MAP2K2: variants seen among roughly 807,000 people sequenced by gnomAD.
MAP2K2 encodes the protein dual specificity mitogen-activated protein kinase kinase 2.
In MAP2K2, 24 loss-of-function variants were observed where a neutral mutation model predicts 43.7. The ratio of observed to expected loss-of-function variants is 0.55; its 90% CI spans 0.40 to 0.77. The LOEUF (loss-of-function observed/expected upper bound fraction) is 0.77, where lower values mean the gene tolerates loss of function less well. Ranked by LOEUF, MAP2K2 falls within the 30% of genes least tolerant of loss-of-function variation. The pLI, the probability that MAP2K2 is intolerant of heterozygous loss-of-function variation, is 0.00. For synonymous variants in MAP2K2, 244 were observed against 239.7 expected, an observed-to-expected ratio of 1.02 and a Z score of -0.17; for missense variants, 470 against 566.8, an observed-to-expected ratio of 0.83 and a Z score of 1.73.
chr19:4,098,397 G>T (rs998202694), intron 7 of MAP2K2, among the ~76,000 whole-genome samples: 2 of 152,184 alleles, frequency 1.3e-5, no homozygotes, highest in Non-Finnish European at 2.9e-5. Flanking sequence ...CACCTGAAAT[G>T]AGTTGTGGGG....
At chr19:4,099,055 G>C in intron 7 of MAP2K2, 146 bp downstream of exon 7, 1 of 691,340 alleles carries the variant, frequency 1.4e-6, no homozygotes, top group Non-Finnish European at 2.5e-6. Flanking sequence ...CCAGGACCAT[G>C]GGAGGACTGC....
At chr19:4,104,266 A>G (rs1465036650) in intron 3 of MAP2K2, among the ~76,000 whole-genome samples, 2 of 66,900 alleles carry the variant, frequency 3.0e-5, no homozygotes, top group Non-Finnish European at 5.5e-5. Context: ...CTCCTCAATT[A>G]AAAAAAAAAA....
chr19:4,091,049 G>C (rs1339696685), intron 10 of MAP2K2, among the ~76,000 whole-genome samples: 1 of 152,192 alleles, frequency 6.6e-6, no homozygotes, highest in Non-Finnish European at 1.5e-5. Flanking sequence ...ATCATTCTCT[G>C]GCGTGGGGCC....
At position 4,101,857 on chromosome 19, in the gene MAP2K2, G is replaced by A. The variant is rs765587227; in HGVS notation, c.528+519C>T. On this transcript the variant is annotated intron_variant, in intron 4 of 10. Coordinates refer to ENST00000262948, the MANE Select transcript of MAP2K2 (RefSeq NM_030662.4). This position sits in a 1 kb window ranked among gnomAD's most constrained non-coding sequence, Gnocchi z 6.3. ...ACACTGGTATGGGCAGGCGGGACTC[G>A]GCCCCTGCTATGGACAAGGTGCAAG... 3.3e-5 allele frequency among the ~76,000 whole-genome samples: 5 copies of A among 152,100 alleles called. No homozygotes were observed. Among genetic ancestry groups the A allele is most frequent in the South Asian group, 2.1e-4 (1 of 4,820 alleles).
At chr19:4,104,146 T>C (rs575894296) in intron 3 of MAP2K2, among the ~76,000 whole-genome samples, 1 of 151,438 alleles carries the variant, frequency 6.6e-6, no homozygotes, top group Non-Finnish European at 1.5e-5. Context: ...ATGCCTGTAA[T>C]CTCAGCTACT....
chr19:4,099,300 C>T lies in MAP2K2; in HGVS notation c.820G>A (p.Glu274Lys), dbSNP rs2040966914. The T allele has an allele frequency of 6.2e-7, 1 of 1,607,696 alleles. No individual in the cohort carries two copies. The highest frequency in any genetic ancestry group is 8.5e-7 in the Non-Finnish European group (1 of 1,177,492). Reference sequence around the variant, plus strand: ...GGCCGGCCAAAGATGGCCTCCAGCTCTTTGGCGTCGGGCGGGGGGATGGGG... The same window carrying T: ...GGCCGGCCAAAGATGGCCTCCAGCTTTTTGGCGTCGGGCGGGGGGATGGGG... ...RYPIPPPDAK[E>K]LEAIFGRPVV... Residue 274 changes from glutamate (E) to lysine (K), a missense_variant, in exon 7 of 11, where the codon GAG becomes AAG. By Grantham distance (56) the Glu-to-Lys change is moderately conservative (BLOSUM62 1). This residue lies in a region of MAP2K2 where 212 missense variants were observed against 220.8 expected (regional missense o/e 0.96). Coordinates refer to ENST00000262948, the MANE Select transcript of MAP2K2 (RefSeq NM_030662.4).
At chr19:4,100,890 A>T in intron 6 of MAP2K2, 129 bp downstream of exon 6, 1 of 1,068,810 alleles carries the variant, frequency 9.4e-7, no homozygotes. Flanking sequence ...GAGAACTGGG[A>T]GGGACAGCTG....
chr19:4,095,550 T>C lies in MAP2K2; in HGVS notation c.985-101A>G, dbSNP rs566054093. On this transcript the variant is annotated intron_variant, in intron 8 of 10. Transcript: ENST00000262948. The stretch of plus-strand genomic sequence containing the variant: ...CACTGTCCTGTCCGGTCACCCACCC[T>C]GCAGGCCTGGCCGACACCACATGCC... The C allele has an allele frequency of 4.2e-5, 41 of 986,482 alleles. No individual in the cohort carries two copies. The Admixed American group carries it at 5.9e-4, about 14-fold the overall frequency. 61.1% of individuals were successfully genotyped at this position (986,482 alleles called of 1,614,324 possible). A position where few individuals can be genotyped will look rare whatever the true frequency, so the allele number is the denominator to read the frequency against.
chr19:4,095,344 A>AT, intron 9 of MAP2K2, 44 bp downstream of exon 9: 2 of 1,535,808 alleles, frequency 1.3e-6, no homozygotes, highest in Non-Finnish European at 1.8e-6. Flanking sequence ...GGAGTGGCAC[A>AT]TCTGGGTCCC....
intron 8 of MAP2K2, among the ~76,000 whole-genome samples, 198 bp from the exon 9 acceptor site, chr19:4,095,647 G>A (rs535526935): frequency 2.6e-5 from 4 of 152,330 alleles, no homozygotes; most frequent in South Asian, 4.1e-4. Context: ...CTGCTTAGAG[G>A]GAAAGAGTGG....
In MAP2K2 at chr19:4,095,428, C is replaced by T. The variant is rs1599282416; in HGVS notation, c.1006G>A (p.Gly336Ser). The change falls in exon 9 of 11, where the codon GGT becomes AGT. Residue 336 changes from glycine to serine, a missense_variant. Physicochemically the swap from Gly to Ser is moderately conservative, Grantham distance 56. Around this residue, in one of 3 missense-constraint regions of MAP2K2, gnomAD observed 212 missense variants for 220.8 expected, o/e 0.96. Coordinates refer to ENST00000262948, the MANE Select transcript of MAP2K2 (RefSeq NM_030662.4). ...VNEPPPKLPN[G>S]VFTPDFQEFV... ...TCCTGGAAGTCGGGGGTGAACACAC[C>T]GTTGGGCAGCTTAGGAGGTGGCTGT... 12 of 1,551,170 alleles carry T rather than the reference C, an allele frequency of 7.7e-6. No homozygotes were observed. The highest frequency in any genetic ancestry group is 2.7e-5 in the African/African-American group (2 of 73,028).
At chr19:4,096,865 T>C (rs960593260) in intron 8 of MAP2K2, among the ~76,000 whole-genome samples, 4 of 151,734 alleles carry the variant, frequency 2.6e-5, no homozygotes, top group Non-Finnish European at 4.4e-5. Flanking sequence ...TTCGTCTTCA[T>C]AAAAAAACAA....
intron 7 of MAP2K2, among the ~76,000 whole-genome samples, chr19:4,098,726 CTGTG>C (rs1322809268): frequency 6.6e-6 from 1 of 152,214 alleles, no homozygotes; most frequent in Non-Finnish European, 1.5e-5. Context: ...GTGTCCCCTC[CTGTG>C]TGTGTTGGGG....
Position 4,123,880 on chromosome 19 carries a change from G to T in MAP2K2, c.-5C>A. On this transcript the variant is annotated 5_prime_UTR_variant, in exon 1 of 11. Coordinates refer to ENST00000262948, the MANE Select transcript of MAP2K2 (RefSeq NM_030662.4). The stretch of plus-strand genomic sequence containing the variant: ...CGGCTTCCTCCGGGCCAGCATCGGG[G>T]CTCCGCGGGCCGGCGGCGGCGGCGC... 3 of 1,439,246 alleles carry T rather than the reference G, an allele frequency of 2.1e-6. No homozygotes were observed. In the African/African-American group the frequency reaches 4.4e-5, roughly 21 times the overall value. The allele number at this position is 1,439,246 out of a possible 1,614,324, so 89.2% of individuals were successfully genotyped here. A position where few individuals can be genotyped will look rare whatever the true frequency, so the allele number is the denominator to read the frequency against.
intron 3 of MAP2K2, among the ~76,000 whole-genome samples, chr19:4,106,951 G>A (rs945320641): frequency 1.3e-5 from 2 of 152,184 alleles, no homozygotes; most frequent in Non-Finnish European, 2.9e-5. Context: ...TACGAGGTCC[G>A]TAAGCCACTG....
rs116984803 is a variant in MAP2K2 at position 4,114,549 on chromosome 19, C to T, written c.303+2870G>A. ...CACGCGTAACAAGCAGCAAGTTCTT[C>T]ACCTATCTCCCTGGCCCAGGTAACG... is the stretch of plus-strand genomic sequence containing the variant. On this transcript the variant is annotated intron_variant, in intron 2 of 10. Transcript: ENST00000262948. Among the ~76,000 whole-genome samples, 155 of 152,386 alleles carry T rather than the reference C, an allele frequency of 1.0e-3. 1 individual carries two copies. In the East Asian group the frequency reaches 0.026, roughly 25 times the overall value.
chr19:4,113,856 C>T (rs188729183), intron 2 of MAP2K2, among the ~76,000 whole-genome samples: 2 of 152,276 alleles, frequency 1.3e-5, no homozygotes, highest in South Asian at 2.1e-4. Context: ...AGCCGCCCCC[C>T]GGCCGCCACC....
intron 10 of MAP2K2, among the ~76,000 whole-genome samples, chr19:4,093,733 G>A (rs1402012496): frequency 6.6e-6 from 1 of 152,150 alleles, no homozygotes; most frequent in African/African-American, 2.4e-5. Flanking sequence ...TCCAGTATTA[G>A]AAGGCACCCG....
chr19:4,095,283 TG>T, intron 9 of MAP2K2, 104 bp downstream of exon 9: 1 of 999,618 alleles, frequency 1.0e-6, no homozygotes, highest in Non-Finnish European at 1.5e-6. Context: ...AACGCTGCAC[TG>T]GGATTCTGGA....
Sources: allele counts gnomAD v4.1 joint callset (sites outside exome capture counted in the v4.1 genomes callset), GRCh38; gene constraint gnomAD v4.1.1; regional missense constraint gnomAD v4.1.1; non-coding constraint Gnocchi (gnomAD v3.1); transcripts MANE v1.5; gene names NCBI Gene and HGNC (gene_info 2026-07-23, HGNC 2026-07-21).